Variants in TIPARP observed in about 807,000 individuals in gnomAD.
TIPARP encodes the protein TCDD inducible poly(ADP-ribose) polymerase, also known as protein mono-ADP-ribosyltransferase TIPARP.
TIPARP carries 12 observed loss-of-function variants against 56.5 expected under a neutral mutation model. The ratio of observed to expected loss-of-function variants is 0.21; its 90% CI spans 0.14 to 0.34. TIPARP has a LOEUF of 0.34. Among genes scored for constraint, TIPARP ranks in the 10% least tolerant of loss-of-function variants. The pLI is 1.00. For missense variants in TIPARP, 604 were observed against 781.6 expected (o/e 0.77, Z 2.71); for synonymous variants, 296 against 265.7 (o/e 1.11, Z -1.11).
In TIPARP at chr3:156,694,098, C is replaced by G; in HGVS notation, c.996C>G (p.Ser332=). Reference sequence around the variant, plus strand: ...AATTTGACCAACTACGAAGGCTGTCCACACCACCCTCTAGCAATGTCAACT... The same window carrying G: ...AATTTGACCAACTACGAAGGCTGTCGACACCACCCTCTAGCAATGTCAACT... The part of the protein sequence containing the change: ...TTEFDQLRRL[S]TPPSSNVNSI... The change falls in exon 3 of 6, where the codon TCC becomes TCG. Residue 332 remains serine, a synonymous_variant. Coordinates refer to ENST00000295924, the MANE Select transcript of TIPARP (RefSeq NM_015508.5). 1 of 1,613,544 alleles carries G rather than the reference C, an allele frequency of 6.2e-7. No individual in the cohort carries two copies. Among genetic ancestry groups the G allele is most frequent in the Non-Finnish European group, 8.5e-7 (1 of 1,179,730 alleles).
rs141533224 is a variant in TIPARP at position 156,681,139 on chromosome 3, C to T, written c.917+2525C>T. 5.5e-5 allele frequency: 25 copies of T among 456,518 alleles called. No homozygotes were observed. The East Asian group carries it at 7.0e-4, about 13-fold the overall frequency. 28.3% of individuals were successfully genotyped at this position (456,518 alleles called of 1,614,324 possible). A position where few individuals can be genotyped will look rare whatever the true frequency, so the allele number is the denominator to read the frequency against. On this transcript the variant is annotated intron_variant, in intron 2 of 5. Coordinates refer to ENST00000295924, the MANE Select transcript of TIPARP (RefSeq NM_015508.5). Reference sequence around the variant, plus strand: ...TTTCCTGGCAACAAGATGCAGATAACGGCATGTTGAGCCTTGCTGAGAGAT... The same window carrying T: ...TTTCCTGGCAACAAGATGCAGATAATGGCATGTTGAGCCTTGCTGAGAGAT...
intron 2 of TIPARP, among the ~76,000 whole-genome samples, chr3:156,683,615 G>A (rs1722358079): frequency 6.6e-6 from 1 of 151,772 alleles, no homozygotes; most frequent in African/African-American, 2.4e-5. Context: ...TTGTGTCCCT[G>A]TAAATCTATT....
At chr3:156,695,546 C>G (rs141330329) in intron 3 of TIPARP, among the ~76,000 whole-genome samples, 2 of 151,986 alleles carry the variant, frequency 1.3e-5, no homozygotes, top group Non-Finnish European at 2.9e-5. Flanking sequence ...TTTAATTCCT[C>G]TTTTGAAAAC....
rs1722177051 is a variant in TIPARP at position 156,677,678 on chromosome 3, A to G, written c.-20A>G. On this transcript the variant is annotated 5_prime_UTR_variant, in exon 2 of 6. Coordinates refer to ENST00000295924, the MANE Select transcript of TIPARP (RefSeq NM_015508.5). ...GTAGGATTTTTAGACTCTGAGGAGCAGTTGGAGCTAATCCACATTATGGAA... is the reference window on the plus strand; with the variant it reads ...GTAGGATTTTTAGACTCTGAGGAGCGGTTGGAGCTAATCCACATTATGGAA... The G allele has an allele frequency of 6.5e-7, 1 of 1,540,068 alleles. No individual in the cohort carries two copies. The highest frequency in any genetic ancestry group is 8.7e-7 in the Non-Finnish European group (1 of 1,148,170).
chr3:156,686,771 C>CTAG (rs1173199554), intron 2 of TIPARP, among the ~76,000 whole-genome samples: 1 of 152,030 alleles, frequency 6.6e-6, no homozygotes, highest in African/African-American at 2.4e-5. Context: ...ATAACTATAA[C>CTAG]TAGTAGTTAT....
chr3:156,692,040 T>A (rs575703609), intron 2 of TIPARP, among the ~76,000 whole-genome samples: 7 of 152,282 alleles, frequency 4.6e-5, no homozygotes, highest in African/African-American at 1.7e-4. Flanking sequence ...AATCTGACAC[T>A]AAACAGCAAA....
At chr3:156,696,925 C>T (rs2108495809) in intron 4 of TIPARP, among the ~76,000 whole-genome samples, 1 of 152,216 alleles carries the variant, frequency 6.6e-6, no homozygotes, top group Admixed American at 6.5e-5. Context: ...TTTATTTTAG[C>T]TCAAACTGTT....
chr3:156,698,477 C>T (rs1722772577), intron 4 of TIPARP, among the ~76,000 whole-genome samples: 1 of 152,068 alleles, frequency 6.6e-6, no homozygotes, highest in African/African-American at 2.4e-5. Context: ...AAGCCTAGGG[C>T]CCTTGAAAAT....
intron 2 of TIPARP, among the ~76,000 whole-genome samples, chr3:156,680,036 G>A (rs1161069114): frequency 2.6e-5 from 4 of 152,048 alleles, no homozygotes; most frequent in Non-Finnish European, 5.9e-5. Context: ...ATAAATCCAT[G>A]TGTCTTTTTA....
chr3:156,699,416 C>T (rs1722793162), intron 4 of TIPARP, among the ~76,000 whole-genome samples: 1 of 152,190 alleles, frequency 6.6e-6, no homozygotes. Context: ...CCTGATCAGT[C>T]AGGCCATCAT....
At chr3:156,674,912 C>T (rs1396885299) in intron 1 of TIPARP, 116 bp downstream of exon 1, 2 of 152,808 alleles carry the variant, frequency 1.3e-5, no homozygotes, top group African/African-American at 2.4e-5. Context: ...GCGGGGCTCT[C>T]GCGGATCGGG....
Position 156,703,468 on chromosome 3 carries a change from C to T in TIPARP, c.1292C>T (p.Ala431Val), listed in dbSNP as rs764320963. 1 of 1,614,220 alleles carries T rather than the reference C, an allele frequency of 6.2e-7. No individual in the cohort carries two copies. The highest frequency in any genetic ancestry group is 1.1e-5 in the South Asian group (1 of 91,080). ...VPTQAPPPLE[A>V]TSSSQIICPD... is the part of the protein sequence containing the mutation. ...ACACAAGCTCCTCCACCTCTTGAAG[C>T]AACTTCATCATCACAAATTATCTGC... The change falls in exon 5 of 6, where the codon GCA becomes GTA. Residue 431 changes from alanine to valine, a missense_variant. Ala to Val is a moderately conservative substitution (Grantham distance 64). Coordinates refer to ENST00000295924, the MANE Select transcript of TIPARP (RefSeq NM_015508.5).
intron 2 of TIPARP, among the ~76,000 whole-genome samples, chr3:156,692,788 T>A (rs1474848694): frequency 6.6e-6 from 1 of 152,166 alleles, no homozygotes; most frequent in East Asian, 1.9e-4. Context: ...TGTTAATAGT[T>A]TTTGAAACAA....
intron 4 of TIPARP, among the ~76,000 whole-genome samples, chr3:156,700,542 A>G (rs1722822189): frequency 6.6e-6 from 1 of 152,182 alleles, no homozygotes; most frequent in African/African-American, 2.4e-5. Flanking sequence ...TTTTCTACAA[A>G]TTCAGCTGTT....
intron 3 of TIPARP, 88 bp downstream of exon 3, chr3:156,694,276 C>T: frequency 8.3e-7 from 1 of 1,201,436 alleles, no homozygotes; most frequent in Non-Finnish European, 1.1e-6. Flanking sequence ...ACAACAATGA[C>T]TAGGCAGAAC....
At chr3:156,687,445 AAAC>A (rs1350444708) in intron 2 of TIPARP, among the ~76,000 whole-genome samples, 1 of 152,238 alleles carries the variant, frequency 6.6e-6, no homozygotes. Context: ...AATAGAAAAC[AAAC>A]AACAAAAAAG....
rs922291494 is a variant in TIPARP at position 156,695,990 on chromosome 3, C to T, written c.1212C>T (p.Leu404=). 5 of 1,611,430 alleles carry T rather than the reference C, an allele frequency of 3.1e-6. No homozygotes were observed. In the African/African-American group the frequency reaches 6.7e-5, roughly 22 times the overall value. Residue 404 remains leucine (L), a synonymous_variant, in exon 4 of 6, where the codon CTC becomes CTT. Transcript: ENST00000295924. ...FFRREIKRRP[L]FRSCFILLPY... ...GGAGAGAGATAAAAAGGAGACCCCT[C>T]TTCCGCTCCTGTTTTATACTGCTTC...
chr3:156,690,602 C>T (rs1425927285), intron 2 of TIPARP, among the ~76,000 whole-genome samples: 9 of 152,238 alleles, frequency 5.9e-5, no homozygotes, highest in Middle Eastern at 3.4e-3. Context: ...AATATTTCAG[C>T]GGTTCAAGTT....
Position 156,703,570 on chromosome 3 carries a change from T to C in TIPARP, c.1394T>C (p.Val465Ala). 2 of 1,614,218 alleles carry C rather than the reference T, an allele frequency of 1.2e-6. No individual in the cohort carries two copies. Among genetic ancestry groups the C allele is most frequent in the Non-Finnish European group, 1.7e-6 (2 of 1,180,032 alleles). ...YMHPSQDFIQ[V>A]PVSAEDKSYR... is the part of the protein sequence containing the mutation. ...CATCCATCTCAGGACTTCATCCAAG[T>C]CCCTGTTTCTGCAGAGGATAAAAGT... Residue 465 changes from valine to alanine, a missense_variant, in exon 5 of 6, where the codon GTC becomes GCC. Around this residue, in one of 4 missense-constraint regions of TIPARP, gnomAD observed 252 missense variants for 303.9 expected, o/e 0.83. Transcript: ENST00000295924.
Sources: allele counts gnomAD v4.1 joint callset (sites outside exome capture counted in the v4.1 genomes callset), GRCh38; gene constraint gnomAD v4.1.1; regional missense constraint gnomAD v4.1.1; transcripts MANE v1.5; gene names NCBI Gene and HGNC (gene_info 2026-07-23, HGNC 2026-07-21).